The following XRCC4 variants were observed in gnomAD, a reference collection of about 807,000 sequenced individuals.
The protein encoded by XRCC4 is DNA repair protein XRCC4.
XRCC4 carries 28 observed loss-of-function variants against 39.1 expected under a neutral mutation model. That is an observed-to-expected ratio of 0.72 (90% CI 0.53 to 0.98). The LOEUF (loss-of-function observed/expected upper bound fraction) is 0.98. Among genes scored for constraint, XRCC4 ranks in the 50% least tolerant of loss-of-function variants. XRCC4 has a pLI of 0.00. For missense variants in XRCC4, 350 were observed against 376.4 expected, an observed-to-expected ratio of 0.93 and a Z score of 0.58; for synonymous variants, 123 against 126.4, an observed-to-expected ratio of 0.97 and a Z score of 0.18.
At chr5:83,252,801 A>G (rs942352271) in intron 6 of XRCC4, among the ~76,000 whole-genome samples, 2 of 152,172 alleles carry the variant, frequency 1.3e-5, no homozygotes, top group Admixed American at 6.5e-5. Context: ...CTGGAGGTTT[A>G]TAAGTAAGTT....
At chr5:83,203,330 T>C (rs1243678745) in intron 4 of XRCC4, among the ~76,000 whole-genome samples, 1 of 152,160 alleles carries the variant, frequency 6.6e-6, no homozygotes, top group Non-Finnish European at 1.5e-5. Flanking sequence ...TTTGTATCAG[T>C]TTTCAATTTT....
chr5:83,353,267 T>C lies in XRCC4; in HGVS notation c.*25T>C. The C allele has an allele frequency of 1.3e-6, 2 of 1,502,876 alleles. No homozygotes were observed. The highest frequency in any genetic ancestry group is 1.8e-6 in the Non-Finnish European group (2 of 1,100,546). The allele number at this position is 1,502,876 out of a possible 1,614,324, so 93.1% of individuals were successfully genotyped here. On this transcript the variant is annotated 3_prime_UTR_variant, in exon 8 of 8. Coordinates refer to ENST00000396027, the MANE Select transcript of XRCC4 (RefSeq NM_003401.5). ...ACAGTCTCAAAAAATACTTTGATGT[T>C]CACTAGACTATGTTTTCTATTCATT... is the stretch of plus-strand genomic sequence containing the variant.
intron 3 of XRCC4, among the ~76,000 whole-genome samples, chr5:83,130,455 C>CT (rs1408920464): frequency 1.3e-5 from 2 of 152,068 alleles, no homozygotes; most frequent in African/African-American, 4.8e-5. Context: ...CTCTGCCAGG[C>CT]TTTGGTATCA....
At chr5:83,364,380 A>C in the XRCC4 span, among the ~76,000 whole-genome samples, 189 of 152,292 alleles carry the variant, frequency 1.2e-3, no homozygotes, top group Non-Finnish European at 2.3e-3. Context: ...ATGAATGAGG[A>C]GATACTTTTT....
chr5:83,135,205 C>T (rs887294352), intron 3 of XRCC4, among the ~76,000 whole-genome samples: 2 of 152,190 alleles, frequency 1.3e-5, no homozygotes, highest in Non-Finnish European at 2.9e-5. Context: ...TGCTTCGGCT[C>T]ATGCTCTGTG....
intron 3 of XRCC4, among the ~76,000 whole-genome samples, chr5:83,173,268 T>G (rs1295354384): frequency 6.6e-6 from 1 of 152,184 alleles, no homozygotes; most frequent in East Asian, 1.9e-4. Flanking sequence ...TCCTATATGT[T>G]GACATTTTGA....
the XRCC4 span, among the ~76,000 whole-genome samples, chr5:83,367,541 C>T: frequency 6.0e-4 from 91 of 152,254 alleles, no homozygotes; most frequent in African/African-American, 2.1e-3. Flanking sequence ...CCTGAAAGAG[C>T]TTCCTCAGGC....
intron 3 of XRCC4, among the ~76,000 whole-genome samples, chr5:83,176,940 C>T (rs1749986138): frequency 6.6e-6 from 1 of 151,900 alleles, no homozygotes; most frequent in African/African-American, 2.4e-5. Context: ...ATTCTTGGTA[C>T]CAGTTAATGA....
At chr5:83,320,898 G>C (rs1157757653) in intron 7 of XRCC4, among the ~76,000 whole-genome samples, 1 of 137,500 alleles carries the variant, frequency 7.3e-6, no homozygotes. Context: ...TGCAACCTCT[G>C]CCTCCCATGT....
chr5:83,285,421 C>G (rs1307913082), intron 7 of XRCC4, among the ~76,000 whole-genome samples: 1 of 151,982 alleles, frequency 6.6e-6, no homozygotes, highest in Non-Finnish European at 1.5e-5. Context: ...TACAGGTAGA[C>G]TATGAGAGTT....
At chr5:83,078,592 G>C (rs1744789732) in intron 1 of XRCC4, among the ~76,000 whole-genome samples, 1 of 152,176 alleles carries the variant, frequency 6.6e-6, no homozygotes, top group African/African-American at 2.4e-5. Flanking sequence ...TCTGCTATTT[G>C]TGTTTACATT....
intron 3 of XRCC4, among the ~76,000 whole-genome samples, chr5:83,156,114 AAT>A (rs1748948283): frequency 6.6e-6 from 1 of 152,056 alleles, no homozygotes; most frequent in Admixed American, 6.6e-5. Context: ...ACCCTGTTTG[AAT>A]ATTGAGACTA....
intron 1 of XRCC4, among the ~76,000 whole-genome samples, chr5:83,096,535 C>T (rs10041617): frequency 0.56 from 85,592 of 151,820 alleles, 24,682 homozygotes; most frequent in African/African-American, 0.69. Context: ...TCTGTGTGTC[C>T]AGGTGCAAGT....
At chr5:83,198,072 A>T (rs1476087293) in intron 4 of XRCC4, among the ~76,000 whole-genome samples, 1 of 152,134 alleles carries the variant, frequency 6.6e-6, no homozygotes, top group Non-Finnish European at 1.5e-5. Flanking sequence ...AGTAGTTCTG[A>T]TTAAGTGTCT....
At chr5:83,357,544 G>A (rs1410635947), downstream of XRCC4, among the ~76,000 whole-genome samples, 1 of 152,164 alleles carries the variant, frequency 6.6e-6, no homozygotes, top group Non-Finnish European at 1.5e-5. Context: ...GTGGGTACAT[G>A]GCATTAATGC....
intron 2 of XRCC4, among the ~76,000 whole-genome samples, chr5:83,109,500 G>T (rs957832377): frequency 1.3e-5 from 2 of 151,800 alleles, no homozygotes; most frequent in African/African-American, 4.8e-5. Flanking sequence ...AACCATATGA[G>T]ACTTTTATCA....
chr5:83,102,637 A>C (rs1033382583), intron 1 of XRCC4, among the ~76,000 whole-genome samples: 2 of 152,118 alleles, frequency 1.3e-5, no homozygotes, highest in Non-Finnish European at 2.9e-5. Flanking sequence ...AGCTTGGTTA[A>C]CTACCATTTG....
intron 3 of XRCC4, among the ~76,000 whole-genome samples, chr5:83,118,044 C>CCACACACACA (rs34524513): frequency 7.6e-5 from 9 of 118,526 alleles, no homozygotes; most frequent in South Asian, 5.7e-4. Context: ...ATATACATCT[C>CCACACACACA]CACACACACA....
At chr5:83,121,070 A>G (rs1746987025) in intron 3 of XRCC4, among the ~76,000 whole-genome samples, 3 of 152,130 alleles carry the variant, frequency 2.0e-5, no homozygotes, top group Admixed American at 2.0e-4. Context: ...GGTTTCTTTT[A>G]TTCAGCGTAA....
Sources: allele counts gnomAD v4.1 joint callset (sites outside exome capture counted in the v4.1 genomes callset), GRCh38; gene constraint gnomAD v4.1.1; transcripts MANE v1.5; gene names NCBI Gene and HGNC (gene_info 2026-07-23, HGNC 2026-07-21).